The following LPCAT2 variants were observed in gnomAD, a reference collection of about 807,000 sequenced individuals.
LPCAT2 encodes lysophosphatidylcholine acyltransferase 2.
LPCAT2 carries 58 observed loss-of-function variants against 64.7 expected under a neutral mutation model. That is an observed-to-expected ratio of 0.90 (90% CI 0.73 to 1.12). The LOEUF (loss-of-function observed/expected upper bound fraction) is 1.12, where lower values mean the gene tolerates loss of function less well. LPCAT2 is among the 50% of genes most tolerant of loss of function. The pLI, the probability that LPCAT2 is intolerant of heterozygous loss-of-function variation, is 0.00. For missense variants in LPCAT2, 579 were observed against 669.8 expected (o/e 0.86, Z 1.50); for synonymous variants, 252 against 245.3 (o/e 1.03, Z -0.26).
chr16:55,567,399 C>T (rs534105316), intron 11 of LPCAT2: 8 of 1,613,746 alleles, frequency 5.0e-6, no homozygotes, highest in Middle Eastern at 1.7e-4. Flanking sequence ...CTGCTTGGTC[C>T]GCCTGGATGC....
intron 1 of LPCAT2, among the ~76,000 whole-genome samples, chr16:55,517,766 T>A (rs555136301): frequency 2.8e-4 from 42 of 152,156 alleles, no homozygotes; most frequent in Non-Finnish European, 5.9e-4. Flanking sequence ...TTGACTCACT[T>A]TCATGATAAA....
At chr16:55,577,937 A>C (rs1390093425) in intron 12 of LPCAT2, among the ~76,000 whole-genome samples, 1 of 152,134 alleles carries the variant, frequency 6.6e-6, no homozygotes, top group Non-Finnish European at 1.5e-5. Flanking sequence ...GTTTACTAAA[A>C]TCATCAGGAT....
At chr16:55,537,097 A>G (rs75124773) in intron 7 of LPCAT2, among the ~76,000 whole-genome samples, 26 of 152,142 alleles carry the variant, frequency 1.7e-4, no homozygotes, top group African/African-American at 6.3e-4. Flanking sequence ...TAGTTTCTCT[A>G]GAGACTTGGG....
rs182313126 is a variant in LPCAT2 at position 55,523,871 on chromosome 16, A to C, written c.172-1637A>C. 1.3e-4 allele frequency among the ~76,000 whole-genome samples: 19 copies of C among 151,912 alleles called. No individual in the cohort carries two copies. In the East Asian group the frequency reaches 3.7e-3, roughly 29 times the overall value. ...GGGGTATGCATTTGAAAAACTCATA[A>C]TCTATAAACTTAAAATAGGTGTTTT... On this transcript the variant is annotated intron_variant, in intron 1 of 13. Coordinates refer to ENST00000262134, the MANE Select transcript of LPCAT2 (RefSeq NM_017839.5).
At chr16:55,582,834 A>G in intron 13 of LPCAT2, 80 bp from the exon 14 acceptor site, 1 of 884,688 alleles carries the variant, frequency 1.1e-6, no homozygotes, top group Non-Finnish European at 1.8e-6. Context: ...TAATTGCATT[A>G]TTAGAGTCAT....
intron 11 of LPCAT2, among the ~76,000 whole-genome samples, chr16:55,559,422 C>G (rs377742750): frequency 3.3e-5 from 5 of 152,062 alleles, no homozygotes; most frequent in East Asian, 3.9e-4. Flanking sequence ...TTTCTTTATT[C>G]CAAGTTTTTC....
At position 55,547,789 on chromosome 16, in the gene LPCAT2, A is replaced by G. The variant is rs1417174657; in HGVS notation, c.936-1488A>G. 2.6e-5 allele frequency among the ~76,000 whole-genome samples: 4 copies of G among 151,638 alleles called. No individual in the cohort carries two copies. The East Asian group carries it at 7.7e-4, about 29-fold the overall frequency. On this transcript the variant is annotated intron_variant, in intron 9 of 13. Coordinates refer to ENST00000262134, the MANE Select transcript of LPCAT2 (RefSeq NM_017839.5). ...TTTTTTTTTGTTTTTTGTTTTTTTG[A>G]GACAGTCTTGCTCTGTCACTCAGGC...
chr16:55,567,476 A>G (rs1502003), intron 11 of LPCAT2: 742,425 of 1,612,908 alleles, frequency 0.46, 171,917 homozygotes, highest in South Asian at 0.47. Context: ...CTATCAAAGA[A>G]TGGCTGCAGT....
chr16:55,511,085 A>G (rs1962925374), intron 1 of LPCAT2, among the ~76,000 whole-genome samples: 1 of 152,154 alleles, frequency 6.6e-6, no homozygotes, highest in African/African-American at 2.4e-5. Context: ...ACCTCTCTGA[A>G]CTATACTTTT....
rs189866082 is a variant in LPCAT2 at position 55,509,361 on chromosome 16, C to T, written c.171+9C>T. 2.9e-6 allele frequency: 4 copies of T among 1,366,746 alleles called. No homozygotes were observed. Among genetic ancestry groups the T allele is most frequent in the South Asian group, 1.9e-5 (1 of 51,404 alleles). 84.7% of individuals were successfully genotyped at this position (1,366,746 alleles called of 1,614,324 possible). A position where few individuals can be genotyped will look rare whatever the true frequency, so the allele number is the denominator to read the frequency against. On this transcript the variant is annotated intron_variant, in intron 1 of 13. Coordinates refer to ENST00000262134, the MANE Select transcript of LPCAT2 (RefSeq NM_017839.5). ...CCGCGAGGCGGGTCCAGGTGAGGGGCGTGGGTCTGAGGGGAGAGGTGGTCT... is the reference window on the plus strand; with the variant it reads ...CCGCGAGGCGGGTCCAGGTGAGGGGTGTGGGTCTGAGGGGAGAGGTGGTCT...
rs371158143 is a variant in LPCAT2, at chr16:55,585,639, GATA to G, written c.*2544_*2546del. 4.1e-4 allele frequency: 62 copies of G among 152,330 alleles called. No homozygotes were observed. The highest frequency in any genetic ancestry group is 1.4e-3 in the African/African-American group (60 of 41,580). 9.4% of individuals were successfully genotyped at this position (152,330 alleles called of 1,614,324 possible). On this transcript the variant is annotated 3_prime_UTR_variant, in exon 14 of 14. Transcript: ENST00000262134. ...TTCAATTGAAAGAGTTCTGTTGAAG[GATA>G]ATGACATACTGACTGCTTACAGACC...
chr16:55,523,027 A>C (rs1180101204), intron 1 of LPCAT2, among the ~76,000 whole-genome samples: 1 of 151,746 alleles, frequency 6.6e-6, no homozygotes, highest in Admixed American at 6.6e-5. Flanking sequence ...CCACAGAATG[A>C]GAGAAAATAT....
chr16:55,511,332 G>A (rs1962929016), intron 1 of LPCAT2, among the ~76,000 whole-genome samples: 1 of 152,080 alleles, frequency 6.6e-6, no homozygotes, highest in Non-Finnish European at 1.5e-5. Context: ...GGTTTCAGTG[G>A]CTTGAATCAT....
At chr16:55,527,893 T>G (rs1406742226) in intron 2 of LPCAT2, among the ~76,000 whole-genome samples, 1 of 152,172 alleles carries the variant, frequency 6.6e-6, no homozygotes, top group Non-Finnish European at 1.5e-5. Context: ...GTGTGAGAGC[T>G]CCAAAAGTGT....
rs557069689 is a variant in LPCAT2 at position 55,525,503 on chromosome 16, T to C, written c.172-5T>C. ...TCATTTATTTTTACCAACTTTGACTTTCAGATTGTCCTTCTTGGGATTATC... is the reference window on the plus strand; with the variant it reads ...TCATTTATTTTTACCAACTTTGACTCTCAGATTGTCCTTCTTGGGATTATC... On this transcript the variant is annotated splice_polypyrimidine_tract_variant and splice_region_variant and intron_variant, in intron 1 of 13. Transcript: ENST00000262134. 2 of 1,600,552 alleles carry C rather than the reference T, an allele frequency of 1.2e-6. No homozygotes were observed. Among genetic ancestry groups the C allele is most frequent in the Non-Finnish European group, 1.7e-6 (2 of 1,174,884 alleles).
chr16:55,540,207 C>A (rs565744506), intron 8 of LPCAT2: 1 of 152,124 alleles, frequency 6.6e-6, no homozygotes, highest in Non-Finnish European at 1.5e-5. Flanking sequence ...ATTATTTTCT[C>A]GACTCTTGGA....
At chr16:55,568,240 G>A (rs919060012) in intron 11 of LPCAT2, among the ~76,000 whole-genome samples, 1 of 152,170 alleles carries the variant, frequency 6.6e-6, no homozygotes, top group Admixed American at 6.5e-5. Flanking sequence ...GTTCAAAAAT[G>A]TCTCTAGCTG....
intron 2 of LPCAT2, among the ~76,000 whole-genome samples, chr16:55,527,732 A>G (rs1306817004): frequency 6.6e-6 from 1 of 152,198 alleles, no homozygotes; most frequent in African/African-American, 2.4e-5. Flanking sequence ...TTAAAAAAGT[A>G]GTTTCTGGAA....
intron 11 of LPCAT2, chr16:55,567,091 A>G: frequency 6.2e-7 from 1 of 1,613,838 alleles, no homozygotes; most frequent in Non-Finnish European, 8.5e-7. Context: ...TCTAAGCACA[A>G]AGATCTTAAG....
Sources: gnomAD v4.1 joint callset for allele counts (sites outside exome capture counted in the v4.1 genomes callset) on GRCh38, gnomAD v4.1.1 for gene constraint, MANE v1.5 for transcripts, NCBI Gene and HGNC (gene_info 2026-07-23, HGNC 2026-07-21) for gene names.